B4GALNT3: variants seen among roughly 807,000 people sequenced by gnomAD.
B4GALNT3 encodes beta-1,4-N-acetylgalactosaminyltransferase 3.
In B4GALNT3, 86 loss-of-function variants were observed where a neutral mutation model predicts 120.2. That is an observed-to-expected ratio of 0.72 (90% CI 0.60 to 0.86). B4GALNT3 has a LOEUF of 0.86. Ranked by LOEUF, B4GALNT3 falls within the 40% of genes least tolerant of loss-of-function variation. The probability of loss-of-function intolerance (pLI) is 0.00; values close to 1 mark genes in which losing one functional copy is unlikely to be tolerated. For synonymous variants in B4GALNT3, 518 were observed against 510.4 expected (o/e 1.01, Z -0.20); for missense variants, 1,167 against 1,298.9 (o/e 0.90, Z 1.56).
intron 1 of B4GALNT3, among the ~76,000 whole-genome samples, chr12:490,715 G>A (rs1322487793): frequency 7.2e-6 from 1 of 139,664 alleles, no homozygotes; most frequent in Non-Finnish European, 1.5e-5. Flanking sequence ...GTGACAGAGC[G>A]AGACACTGTC....
Position 460,878 on chromosome 12 carries a change from C to G in B4GALNT3, c.169+333C>G, listed in dbSNP as rs1946015709. On this transcript the variant is annotated intron_variant, in intron 1 of 19. Coordinates refer to ENST00000266383, the MANE Select transcript of B4GALNT3 (RefSeq NM_173593.4). This position sits in a 1 kb window ranked among gnomAD's most constrained non-coding sequence, Gnocchi z 8.0. ...GCTGGCGGAGACCGGGCCCCTCCAG[C>G]CGCTCCGGGCTTGCGGTTCCCGGGG... 6.6e-6 allele frequency among the ~76,000 whole-genome samples: 1 copy of G among 152,146 alleles called. No individual in the cohort carries two copies. The highest frequency in any genetic ancestry group is 2.4e-5 in the African/African-American group (1 of 41,452).
rs1051190451 is a variant in B4GALNT3 at position 562,088 on chromosome 12, T to A, written c.*637T>A. Reference sequence around the variant, plus strand: ...AGCCACCAAACAGCTGGCCACTGATTAGGGCATTAACTTCCTCCGGATGGC... The same window carrying A: ...AGCCACCAAACAGCTGGCCACTGATAAGGGCATTAACTTCCTCCGGATGGC... On this transcript the variant is annotated 3_prime_UTR_variant, in exon 20 of 20. Coordinates refer to ENST00000266383, the MANE Select transcript of B4GALNT3 (RefSeq NM_173593.4). This position sits in a 1 kb window ranked among gnomAD's most constrained non-coding sequence, Gnocchi z 5.2. The A allele has an allele frequency of 1.3e-5, 2 of 152,206 alleles. No individual in the cohort carries two copies. Among genetic ancestry groups the A allele is most frequent in the African/African-American group, 4.8e-5 (2 of 41,416 alleles). The allele number at this position is 152,206 out of a possible 1,614,324, so 9.4% of individuals were successfully genotyped here. A position where few individuals can be genotyped will look rare whatever the true frequency, so the allele number is the denominator to read the frequency against.
intron 19 of B4GALNT3, among the ~76,000 whole-genome samples, chr12:561,053 T>A (rs1030441155): frequency 6.6e-6 from 1 of 152,226 alleles, no homozygotes; most frequent in Non-Finnish European, 1.5e-5. Context: ...GTATGTCTAC[T>A]CTAATATTAG....
chr12:464,238 T>G (rs1157295156), intron 1 of B4GALNT3, among the ~76,000 whole-genome samples: 1 of 152,232 alleles, frequency 6.6e-6, no homozygotes, highest in East Asian at 1.9e-4. Flanking sequence ...GAACAAATTG[T>G]TATTGGAAGT....
intron 1 of B4GALNT3, among the ~76,000 whole-genome samples, chr12:511,462 C>CCTTCCACCTT (rs1430534422): frequency 1.0e-5 from 1 of 97,146 alleles, no homozygotes; most frequent in South Asian, 4.6e-4. Context: ...CCTTCTTCCA[C>CCTTCCACCTT]CTTCCACCTT....
chr12:550,853 G>A lies in B4GALNT3; in HGVS notation c.998-69G>A. On this transcript the variant is annotated intron_variant, in intron 10 of 19. Transcript: ENST00000266383. The surrounding 1 kb of genome is among the most constrained non-coding windows in gnomAD (Gnocchi z 4.1). ...GCGAATACAGAAAGGGCCCTGCTCA[G>A]GGCAGAGGACTTCAGCCCCAGTTTC... 6.2e-6 allele frequency: 8 copies of A among 1,292,308 alleles called. No homozygotes were observed. The South Asian group carries it at 8.9e-5, about 14-fold the overall frequency. The allele number at this position is 1,292,308 out of a possible 1,614,324, so 80.1% of individuals were successfully genotyped here.
chr12:512,762 C>T (rs189974117), intron 1 of B4GALNT3, among the ~76,000 whole-genome samples: 19,431 of 138,242 alleles, frequency 0.14, 1,883 homozygotes, highest in South Asian at 0.21. Context: ...TTCCACCTTC[C>T]GCCTTCCGCC....
At chr12:482,500 T>C (rs1408335434) in intron 1 of B4GALNT3, among the ~76,000 whole-genome samples, 1 of 152,216 alleles carries the variant, frequency 6.6e-6, no homozygotes, top group Non-Finnish European at 1.5e-5. Flanking sequence ...AGGACAGTCA[T>C]CCCTTCATTT....
chr12:511,600 TCCAC>T, intron 1 of B4GALNT3, among the ~76,000 whole-genome samples: 1 of 131,344 alleles, frequency 7.6e-6, no homozygotes. Flanking sequence ...CCTTCCGCCT[TCCAC>T]CTTCGACCTT....
chr12:509,592 T>C (rs1946527580), intron 1 of B4GALNT3, among the ~76,000 whole-genome samples: 1 of 152,152 alleles, frequency 6.6e-6, no homozygotes, highest in Non-Finnish European at 1.5e-5. Flanking sequence ...GAGAGTCTTA[T>C]AAATACACAA....
At chr12:542,975 G>C in intron 3 of B4GALNT3, 1 of 508,080 alleles carries the variant, frequency 2.0e-6, no homozygotes, top group Non-Finnish European at 3.3e-6. Context: ...CTCTCCTCAG[G>C]ATCAGGGATG....
chr12:472,703 C>T (rs2120440219), intron 1 of B4GALNT3, among the ~76,000 whole-genome samples: 1 of 152,342 alleles, frequency 6.6e-6, no homozygotes, highest in South Asian at 2.1e-4. Flanking sequence ...TCGCAAAGTG[C>T]TGGGATTACA....
At chr12:477,147 A>G (rs1042502792) in intron 1 of B4GALNT3, among the ~76,000 whole-genome samples, 1 of 152,212 alleles carries the variant, frequency 6.6e-6, no homozygotes, top group African/African-American at 2.4e-5. Flanking sequence ...TGTTTACAAC[A>G]CACCATGCCA....
rs1009544293 is a variant in B4GALNT3 at position 548,387 on chromosome 12, G to A, written c.853+90G>A. On this transcript the variant is annotated intron_variant, in intron 9 of 19. Transcript: ENST00000266383. The surrounding 1 kb of genome is among the most constrained non-coding windows in gnomAD (Gnocchi z 4.9). ...TTGGCAGGGGAGGAGGGGAGGAGGGGAGGAAGGAAGCTCGAGATGCTTGGG... is the reference window on the plus strand; with the variant it reads ...TTGGCAGGGGAGGAGGGGAGGAGGGAAGGAAGGAAGCTCGAGATGCTTGGG... The A allele has an allele frequency of 2.4e-6, 3 of 1,271,026 alleles. No individual in the cohort carries two copies. In the African/African-American group the frequency reaches 4.4e-5, roughly 19 times the overall value. The allele number at this position is 1,271,026 out of a possible 1,614,324, so 78.7% of individuals were successfully genotyped here. A position where few individuals can be genotyped will look rare whatever the true frequency, so the allele number is the denominator to read the frequency against.
At chr12:539,551 A>G (rs1472220153) in intron 3 of B4GALNT3, among the ~76,000 whole-genome samples, 2 of 150,890 alleles carry the variant, frequency 1.3e-5, no homozygotes, top group Non-Finnish European at 3.0e-5. Flanking sequence ...AAAAAAAAAA[A>G]GAAAGAAACA....
intron 1 of B4GALNT3, among the ~76,000 whole-genome samples, chr12:488,753 A>G (rs1946313753): frequency 6.6e-6 from 1 of 152,112 alleles, no homozygotes; most frequent in South Asian, 2.1e-4. Flanking sequence ...CCAGGAGCCC[A>G]AGGTTGCAGT....
At chr12:554,230 T>G (rs10849215) in intron 14 of B4GALNT3, among the ~76,000 whole-genome samples, 67,058 of 152,120 alleles carry the variant, frequency 0.44, 15,365 homozygotes, top group African/African-American at 0.56. Context: ...CCTGGCCCAG[T>G]ACGTGTGTTG....
intron 3 of B4GALNT3, among the ~76,000 whole-genome samples, chr12:539,524 G>A (rs1368034142): frequency 4.8e-5 from 7 of 144,980 alleles, no homozygotes; most frequent in African/African-American, 7.8e-5. Context: ...CCTGTTCTCA[G>A]CCTTTCCTTT....
At chr12:556,195 T>C (rs1947154569) in intron 14 of B4GALNT3, among the ~76,000 whole-genome samples, 2 of 152,172 alleles carry the variant, frequency 1.3e-5, no homozygotes, top group Non-Finnish European at 2.9e-5. Flanking sequence ...TTGACATCTG[T>C]CTTATAACTC....
Sources: allele counts gnomAD v4.1 joint callset (sites outside exome capture counted in the v4.1 genomes callset), GRCh38; gene constraint gnomAD v4.1.1; non-coding constraint Gnocchi (gnomAD v3.1); transcripts MANE v1.5; gene names NCBI Gene and HGNC (gene_info 2026-07-23, HGNC 2026-07-21).